Variants in ATP6V0D1 observed in about 807,000 individuals in gnomAD.
ATP6V0D1 encodes the protein ATPase H+ transporting V0 subunit d1, also known as V-type proton ATPase subunit d 1.
Under a neutral mutation model 39.0 loss-of-function variants are expected in ATP6V0D1, and 13 were observed. The observed-to-expected ratio is 0.33, with a 90% confidence interval of 0.22 to 0.53. The LOEUF is 0.53. Ranked by LOEUF, ATP6V0D1 falls within the 20% of genes least tolerant of loss-of-function variation. ATP6V0D1 has a pLI of 0.94. For missense variants in ATP6V0D1, 272 were observed against 470.9 expected, an observed-to-expected ratio of 0.58 and a Z score of 3.91; for synonymous variants, 191 against 191.2, an observed-to-expected ratio of 1.00 and a Z score of 0.01.
At chr16:67,439,413 C>G (rs138671036) in intron 4 of ATP6V0D1, 62 bp from the exon 5 acceptor site, 6 of 1,491,632 alleles carry the variant, frequency 4.0e-6, no homozygotes, top group Non-Finnish European at 5.6e-6. Context: ...TTGCTAGGCA[C>G]AAGCCCTCAC....
intron 1 of ATP6V0D1, among the ~76,000 whole-genome samples, chr16:67,479,851 G>C (rs1157311181): frequency 6.6e-6 from 1 of 152,114 alleles, no homozygotes; most frequent in East Asian, 1.9e-4. Flanking sequence ...GGTTGGCAAA[G>C]ACTGGAATTA....
At chr16:67,470,101 A>G (rs934012648) in intron 1 of ATP6V0D1, among the ~76,000 whole-genome samples, 3 of 152,134 alleles carry the variant, frequency 2.0e-5, no homozygotes, top group African/African-American at 4.8e-5. Flanking sequence ...ACCATAACCA[A>G]ATCACCGGAT....
intron 1 of ATP6V0D1, among the ~76,000 whole-genome samples, chr16:67,464,955 C>T (rs2041317413): frequency 6.6e-6 from 1 of 152,234 alleles, no homozygotes; most frequent in South Asian, 2.1e-4. Flanking sequence ...CAGCACTGCC[C>T]CTTGTGCCTA....
intron 1 of ATP6V0D1, among the ~76,000 whole-genome samples, chr16:67,480,546 G>C (rs1437644104): frequency 6.6e-6 from 1 of 152,078 alleles, no homozygotes; most frequent in Non-Finnish European, 1.5e-5. Flanking sequence ...GTGTCTTGGC[G>C]GGGGGAGGGG....
At chr16:67,475,561 G>A (rs2041407964) in intron 1 of ATP6V0D1, among the ~76,000 whole-genome samples, 3 of 152,180 alleles carry the variant, frequency 2.0e-5, no homozygotes, top group African/African-American at 7.2e-5. Context: ...AGCTGAGAAG[G>A]TCACAGGACT....
chr16:67,475,396 G>A (rs978594796), intron 1 of ATP6V0D1, among the ~76,000 whole-genome samples: 3 of 152,226 alleles, frequency 2.0e-5, no homozygotes, highest in Non-Finnish European at 4.4e-5. Context: ...ACAAAGAGAT[G>A]TAATGGACAG....
At chr16:67,476,801 T>G (rs2041418105) in intron 1 of ATP6V0D1, among the ~76,000 whole-genome samples, 2 of 151,880 alleles carry the variant, frequency 1.3e-5, no homozygotes, top group African/African-American at 4.8e-5. Context: ...TTTGGGAGGC[T>G]GAGGTGGGTG....
In ATP6V0D1 at chr16:67,444,721, C is replaced by A; in HGVS notation, c.303-15G>T. ...TGTAACTGTAACTACAGGGGGCAGG[C>A]AATAGCAAGGAGCCCATCAAGGTGG... On this transcript the variant is annotated splice_polypyrimidine_tract_variant and intron_variant, in intron 2 of 7. Coordinates refer to ENST00000290949, the MANE Select transcript of ATP6V0D1 (RefSeq NM_004691.5). The surrounding 1 kb of genome is among the most constrained non-coding windows in gnomAD (Gnocchi z 4.8). The A allele has an allele frequency of 6.3e-7, 1 of 1,576,196 alleles. No individual in the cohort carries two copies. Among genetic ancestry groups the A allele is most frequent in the Non-Finnish European group, 8.6e-7 (1 of 1,156,854 alleles).
chr16:67,454,464 G>C (rs1156871231), intron 1 of ATP6V0D1: 1 of 152,618 alleles, frequency 6.6e-6, no homozygotes, highest in African/African-American at 2.4e-5. Context: ...AGAGCAGAAG[G>C]GCCCGGGGGA....
intron 1 of ATP6V0D1, among the ~76,000 whole-genome samples, chr16:67,465,982 G>A (rs1441308939): frequency 2.0e-5 from 3 of 152,230 alleles, no homozygotes; most frequent in South Asian, 2.1e-4. Flanking sequence ...TGATCCTGGC[G>A]CACCCCCTTG....
At chr16:67,473,918 G>A (rs1054405837) in intron 1 of ATP6V0D1, among the ~76,000 whole-genome samples, 2 of 152,126 alleles carry the variant, frequency 1.3e-5, no homozygotes, top group African/African-American at 4.8e-5. Flanking sequence ...GCCTTCTAAA[G>A]TGCTGGGACT....
chr16:67,443,608 A>G (rs540417999), intron 3 of ATP6V0D1, among the ~76,000 whole-genome samples: 1 of 152,304 alleles, frequency 6.6e-6, no homozygotes, highest in African/African-American at 2.4e-5. Flanking sequence ...CCTCCTTAGG[A>G]CAAGTCCAAC....
chr16:67,439,313 C>T lies in ATP6V0D1; in HGVS notation c.600G>A (p.Leu200=), dbSNP rs143767422. Residue 200 remains leucine (L), a synonymous_variant, in exon 5 of 8, where the codon CTG becomes CTA. Coordinates refer to ENST00000290949, the MANE Select transcript of ATP6V0D1 (RefSeq NM_004691.5). ...LESFYKFCTL[L]GGTTADAMCP... is the part of the protein sequence containing the mutation. ...ACATGGCATCAGCCGTAGTCCCGCC[C>T]AGTAGGGTGCAGAACTTGTAGAAGG... 5 of 1,613,990 alleles carry T rather than the reference C, an allele frequency of 3.1e-6. No individual in the cohort carries two copies. The highest frequency in any genetic ancestry group is 2.2e-5 in the East Asian group (1 of 44,896).
Position 67,481,120 on chromosome 16 carries a change from G to C in ATP6V0D1, c.-34C>G. On this transcript the variant is annotated 5_prime_UTR_variant, in exon 1 of 8. Transcript: ENST00000290949. ...CGGGAGCGGCGGGACCGGAGAACCA[G>C]GACCGGCCGGCACGAATCGCGACTC... 1.2e-6 allele frequency: 2 copies of C among 1,612,400 alleles called. No individual in the cohort carries two copies. The highest frequency in any genetic ancestry group is 1.7e-6 in the Non-Finnish European group (2 of 1,178,890).
intron 2 of ATP6V0D1, chr16:67,452,464 T>C (rs2041192239): frequency 6.8e-7 from 1 of 1,460,094 alleles, no homozygotes; most frequent in Non-Finnish European, 9.3e-7. Context: ...AGCAGGCATC[T>C]AACTCTGTCC....
intron 2 of ATP6V0D1, chr16:67,445,791 CAG>C: frequency 2.6e-6 from 1 of 390,828 alleles, no homozygotes; most frequent in Admixed American, 2.7e-5. Flanking sequence ...GGGGCTGGGG[CAG>C]AGAGTTCTGT....
intron 1 of ATP6V0D1, among the ~76,000 whole-genome samples, chr16:67,480,668 A>G (rs1597587688): frequency 6.6e-6 from 1 of 151,506 alleles, no homozygotes; most frequent in South Asian, 2.1e-4. Flanking sequence ...CCGACCAACT[A>G]CCCCCGAAAC....
At chr16:67,472,060 C>G (rs1053843144) in intron 1 of ATP6V0D1, among the ~76,000 whole-genome samples, 1 of 152,134 alleles carries the variant, frequency 6.6e-6, no homozygotes, top group Middle Eastern at 3.2e-3. Context: ...GCCAAACCTC[C>G]CCCCTGCCTA....
At position 67,453,420 on chromosome 16, in the gene ATP6V0D1, G is replaced by T; in HGVS notation, c.302+124C>A. On this transcript the variant is annotated intron_variant, in intron 2 of 7. Transcript: ENST00000290949. This position sits in a 1 kb window ranked among gnomAD's most constrained non-coding sequence, Gnocchi z 4.1. Reference sequence around the variant, plus strand: ...CTGGGACACCTGGCCTGACAGAGCTGCCATCAGCTCTGACAGCTGACACAG... The same window carrying T: ...CTGGGACACCTGGCCTGACAGAGCTTCCATCAGCTCTGACAGCTGACACAG... The T allele has an allele frequency of 8.5e-7, 1 of 1,171,792 alleles. No individual in the cohort carries two copies. The highest frequency in any genetic ancestry group is 1.2e-6 in the Non-Finnish European group (1 of 816,254). 72.6% of individuals were successfully genotyped at this position (1,171,792 alleles called of 1,614,324 possible). A position where few individuals can be genotyped will look rare whatever the true frequency, so the allele number is the denominator to read the frequency against.
Sources: allele counts gnomAD v4.1 joint callset (sites outside exome capture counted in the v4.1 genomes callset), GRCh38; gene constraint gnomAD v4.1.1; non-coding constraint Gnocchi (gnomAD v3.1); transcripts MANE v1.5; gene names NCBI Gene and HGNC (gene_info 2026-07-23, HGNC 2026-07-21).